DENND2C: variants seen among roughly 807,000 people sequenced by gnomAD.
The protein encoded by DENND2C is DENN domain containing 2C, also known as DENN domain-containing protein 2C.
DENND2C carries 72 observed loss-of-function variants against 112.4 expected under a neutral mutation model. That is an observed-to-expected ratio of 0.64 (90% CI 0.53 to 0.78). The LOEUF is 0.78. Among genes scored for constraint, DENND2C ranks in the 30% least tolerant of loss-of-function variants. DENND2C has a pLI of 0.00. For synonymous variants in DENND2C, 329 were observed against 381.6 expected, an observed-to-expected ratio of 0.86 and a Z score of 1.61; for missense variants, 992 against 1,113.8, an observed-to-expected ratio of 0.89 and a Z score of 1.56.
At chr1:114,634,350 T>G (rs1656587459) in intron 3 of DENND2C, among the ~76,000 whole-genome samples, 1 of 152,206 alleles carries the variant, frequency 6.6e-6, no homozygotes, top group Non-Finnish European at 1.5e-5. Flanking sequence ...TTTTATTTTT[T>G]TGAGACAGAG....
chr1:114,602,069 C>A, intron 12 of DENND2C, 56 bp downstream of exon 12: 2 of 1,562,438 alleles, frequency 1.3e-6, no homozygotes, highest in Non-Finnish European at 1.8e-6. Flanking sequence ...GAAGTTCCTA[C>A]TCTGACTCAA....
chr1:114,656,591 T>C (rs1234306447), intron 1 of DENND2C, among the ~76,000 whole-genome samples: 1 of 151,690 alleles, frequency 6.6e-6, no homozygotes, highest in Admixed American at 6.6e-5. Flanking sequence ...AGAGACGTAG[T>C]TTCACCGTGT....
At chr1:114,591,908 A>G (rs1484295686) in intron 18 of DENND2C, among the ~76,000 whole-genome samples, 1 of 150,928 alleles carries the variant, frequency 6.6e-6, no homozygotes, top group Non-Finnish European at 1.5e-5. Context: ...TATTTTAGAC[A>G]GGGTCTTACT....
chr1:114,649,255 C>T (rs756759864), intron 2 of DENND2C, among the ~76,000 whole-genome samples: 3 of 151,932 alleles, frequency 2.0e-5, no homozygotes, highest in Admixed American at 6.6e-5. Flanking sequence ...GCACCCGGCA[C>T]TTTTCACTTA....
intron 6 of DENND2C, among the ~76,000 whole-genome samples, 180 bp downstream of exon 6, chr1:114,622,803 CAAAA>C (rs370119447): frequency 9.9e-6 from 1 of 100,568 alleles, no homozygotes; most frequent in Non-Finnish European, 2.2e-5. Flanking sequence ...AAACAACAAC[CAAAA>C]AAAAAAAAAA....
intron 1 of DENND2C, among the ~76,000 whole-genome samples, chr1:114,667,248 A>G (rs913269286): frequency 6.6e-6 from 1 of 152,086 alleles, no homozygotes; most frequent in Non-Finnish European, 1.5e-5. Flanking sequence ...TTCTATCTAT[A>G]CTTCTTTCTT....
chr1:114,662,915 G>A (rs1374721035), intron 1 of DENND2C, among the ~76,000 whole-genome samples: 1 of 152,058 alleles, frequency 6.6e-6, no homozygotes, highest in Admixed American at 6.6e-5. Flanking sequence ...AACTATGATT[G>A]TGCCACTGCA....
intron 11 of DENND2C, among the ~76,000 whole-genome samples, chr1:114,603,397 G>T (rs1282247216): frequency 6.6e-6 from 1 of 151,820 alleles, no homozygotes; most frequent in Non-Finnish European, 1.5e-5. Context: ...CCTTGGCCTG[G>T]GATTACAGGC....
chr1:114,615,574 A>G (rs1655942583), intron 8 of DENND2C, among the ~76,000 whole-genome samples: 1 of 152,238 alleles, frequency 6.6e-6, no homozygotes, highest in Non-Finnish European at 1.5e-5. Flanking sequence ...ATTAATAACA[A>G]TGACCAAAAG....
Position 114,626,206 on chromosome 1 carries a change from A to T in DENND2C, c.-204-18T>A, listed in dbSNP as rs1376767628. ...GAATAATCCTGTTAAAATGACACAA[A>T]AATATGTTAACACATTTTATAATTT... is the stretch of plus-strand genomic sequence containing the variant. On this transcript the variant is annotated intron_variant, in intron 3 of 20. Coordinates refer to ENST00000393274, the MANE Select transcript of DENND2C (RefSeq NM_001256404.2). The T allele has an allele frequency of 2.2e-6, 1 of 456,684 alleles. No individual in the cohort carries two copies. The highest frequency in any genetic ancestry group is 3.4e-5 in the East Asian group (1 of 29,128). 28.3% of individuals were successfully genotyped at this position (456,684 alleles called of 1,614,324 possible).
intron 3 of DENND2C, among the ~76,000 whole-genome samples, chr1:114,642,890 G>A (rs1656882212): frequency 6.6e-6 from 1 of 152,180 alleles, no homozygotes; most frequent in Non-Finnish European, 1.5e-5. Flanking sequence ...GTACTTTCAA[G>A]ATCAGTTGAA....
intron 4 of DENND2C, among the ~76,000 whole-genome samples, chr1:114,624,328 G>T (rs1656269548): frequency 6.6e-6 from 1 of 152,130 alleles, no homozygotes; most frequent in African/African-American, 2.4e-5. Flanking sequence ...TAGAGGCAGG[G>T]TCTCATTCTG....
intron 2 of DENND2C, among the ~76,000 whole-genome samples, chr1:114,653,938 C>T (rs150562043): frequency 2.6e-4 from 40 of 152,012 alleles, no homozygotes; most frequent in African/African-American, 9.2e-4. Flanking sequence ...CTCTGAAATA[C>T]GATGAAGTTG....
At chr1:114,641,794 T>C (rs1053809212) in intron 3 of DENND2C, among the ~76,000 whole-genome samples, 1 of 152,128 alleles carries the variant, frequency 6.6e-6, no homozygotes, top group African/African-American at 2.4e-5. Flanking sequence ...CAAATACTTA[T>C]GAAACAATTG....
At position 114,600,287 on chromosome 1, in the gene DENND2C, C is replaced by T. The variant is rs985491904; in HGVS notation, c.2022G>A (p.Lys674=). The T allele has an allele frequency of 1.4e-5, 22 of 1,613,904 alleles. No individual in the cohort carries two copies. In the Admixed American group the frequency reaches 1.5e-4, roughly 11 times the overall value. Residue 674 remains lysine, a synonymous_variant, in exon 15 of 21, where the codon AAG becomes AAA. Coordinates refer to ENST00000393274, the MANE Select transcript of DENND2C (RefSeq NM_001256404.2). ...GGATGAGATGACACACACTCAGGCA[C>T]TTAAAGAGACATTTAAAATCAACAT... ...LEHVDFKCLF[K]CLSVCHLIRV...
chr1:114,657,736 G>C (rs1657374042), intron 1 of DENND2C, among the ~76,000 whole-genome samples: 1 of 152,230 alleles, frequency 6.6e-6, no homozygotes, highest in African/African-American at 2.4e-5. Flanking sequence ...CATTCAAGGA[G>C]TTTATCCAAA....
intron 3 of DENND2C, among the ~76,000 whole-genome samples, chr1:114,642,030 G>A (rs1656851747): frequency 6.6e-6 from 1 of 152,008 alleles, no homozygotes; most frequent in East Asian, 1.9e-4. Context: ...TCAGCACACT[G>A]CAACCTCTGC....
chr1:114,638,633 T>C (rs1235030189), intron 3 of DENND2C, among the ~76,000 whole-genome samples: 1 of 151,380 alleles, frequency 6.6e-6, no homozygotes. Context: ...CATGGCGTTG[T>C]GCGTCTGTAA....
At chr1:114,653,560 AT>A (rs1332151970) in intron 2 of DENND2C, among the ~76,000 whole-genome samples, 3 of 152,180 alleles carry the variant, frequency 2.0e-5, no homozygotes, top group African/African-American at 7.2e-5. Context: ...ATTGTCAACA[AT>A]GGTACCAGTG....
Sources: gnomAD v4.1 joint callset for allele counts (sites outside exome capture counted in the v4.1 genomes callset) on GRCh38, gnomAD v4.1.1 for gene constraint, MANE v1.5 for transcripts, NCBI Gene and HGNC (gene_info 2026-07-23, HGNC 2026-07-21) for gene names.